The following ASPSCR1 variants were observed in gnomAD, a reference collection of about 807,000 sequenced individuals.
ASPSCR1 encodes the protein tether containing UBX domain for GLUT4.
ASPSCR1 carries 55 observed loss-of-function variants against 68.9 expected under a neutral mutation model. The observed-to-expected ratio is 0.80, with a 90% CI of 0.64 to 1.00. The LOEUF is 1.00. ASPSCR1 is among the 50% of genes least tolerant of loss of function. The probability of loss-of-function intolerance (pLI) is 0.00; values close to 1 mark genes in which losing one functional copy is unlikely to be tolerated. For synonymous variants in ASPSCR1, 352 were observed against 332.6 expected (o/e 1.06, Z -0.63); for missense variants, 765 against 762.2 (o/e 1.00, Z -0.04).
At chr17:81,985,223 C>T (rs2041955957) in intron 3 of ASPSCR1, among the ~76,000 whole-genome samples, 1 of 151,662 alleles carries the variant, frequency 6.6e-6, no homozygotes, top group African/African-American at 2.4e-5. Context: ...CACAACTGCA[C>T]ACCCCCGCAC....
chr17:81,979,668 G>A (rs1241358653), intron 2 of ASPSCR1, among the ~76,000 whole-genome samples: 1 of 152,110 alleles, frequency 6.6e-6, no homozygotes, highest in African/African-American at 2.4e-5. Flanking sequence ...TTTTTTGGGG[G>A]GGCCACCATT....
At chr17:81,989,470 C>T (rs548283879) in intron 4 of ASPSCR1, among the ~76,000 whole-genome samples, 5 of 152,260 alleles carry the variant, frequency 3.3e-5, no homozygotes, top group African/African-American at 7.2e-5. Flanking sequence ...TCCAGGTGTC[C>T]GCAGAGTGGG....
rs1261519976 is a variant in ASPSCR1, at chr17:81,986,464, G to A, written c.374+857G>A. On this transcript the variant is annotated intron_variant, in intron 4 of 15. Coordinates refer to ENST00000306739, the MANE Select transcript of ASPSCR1 (RefSeq NM_024083.4). This position sits in a 1 kb window ranked among gnomAD's most constrained non-coding sequence, Gnocchi z 5.2. ...ATAAATAAAAATAAGTAATTGATGT[G>A]TATCAGTTTCTGTCGGTTAATGGTT... Among the ~76,000 whole-genome samples the A allele has an allele frequency of 6.6e-6, 1 of 152,192 alleles. No individual in the cohort carries two copies. Among genetic ancestry groups the A allele is most frequent in the Non-Finnish European group, 1.5e-5 (1 of 68,048 alleles).
At chr17:82,014,656 CG>C (rs1371290918) in intron 12 of ASPSCR1, 1 of 195,986 alleles carries the variant, frequency 5.1e-6, no homozygotes, top group Non-Finnish European at 1.1e-5. Context: ...CTCTTGGCTT[CG>C]TTCCCCGGAG....
chr17:82,007,562 A>G (rs1183228152), intron 7 of ASPSCR1: 3 of 152,164 alleles, frequency 2.0e-5, no homozygotes, highest in African/African-American at 7.2e-5. Context: ...CCGCCTGAGC[A>G]CGGCATGTCC....
chr17:82,015,345 G>A (rs1202682816), intron 12 of ASPSCR1: 6 of 1,597,692 alleles, frequency 3.8e-6, no homozygotes, highest in Non-Finnish European at 4.2e-6. Flanking sequence ...CAAGCACGTG[G>A]GGACAGGCCG....
chr17:81,993,379 A>G (rs1052274968), intron 4 of ASPSCR1, among the ~76,000 whole-genome samples: 10 of 152,038 alleles, frequency 6.6e-5, no homozygotes, highest in Middle Eastern at 3.4e-3. Context: ...ACGCCTGGCT[A>G]ATTTTTTGTA....
intron 1 of ASPSCR1, chr17:81,978,646 G>T (rs111656919): frequency 6.4e-6 from 1 of 155,810 alleles, no homozygotes; most frequent in Non-Finnish European, 1.4e-5. Flanking sequence ...CCAGGCCTGG[G>T]CAGGTGGAGG....
At chr17:81,985,088 A>G (rs2041945863) in intron 3 of ASPSCR1, among the ~76,000 whole-genome samples, 1 of 137,856 alleles carries the variant, frequency 7.3e-6, no homozygotes, top group African/African-American at 2.8e-5. Context: ...ACACACCTAC[A>G]CATCTGCGCA....
chr17:82,012,308 C>T (rs1309384438), intron 12 of ASPSCR1, 25 bp downstream of exon 12: 11 of 1,611,252 alleles, frequency 6.8e-6, no homozygotes, highest in Non-Finnish European at 9.3e-6. Flanking sequence ...CCCTGGGGTG[C>T]TGCGGGGCGG....
rs2042913068 is a variant in ASPSCR1, at chr17:82,010,845, G to T, written c.1214G>T (p.Gly405Val). 6.2e-7 allele frequency: 1 copy of T among 1,612,776 alleles called. No individual in the cohort carries two copies. The highest frequency in any genetic ancestry group is 8.5e-7 in the Non-Finnish European group (1 of 1,179,934). ...TTCCCCGACCGCTACGTCCTACAGG[G>T]CTTCTTCCGCCCCAGCGAGACAGGT... is the stretch of plus-strand genomic sequence containing the variant. Reference protein sequence around the residue: ...VLFPDRYVLQGFFRPSETVGD... With the variant: ...VLFPDRYVLQVFFRPSETVGD... The change falls in exon 10 of 16, where the codon GGC becomes GTC. Residue 405 changes from glycine to valine, a missense_variant. Transcript: ENST00000306739.
rs1389532563 is a variant in ASPSCR1, at chr17:82,017,298, C to G, written c.1649-11C>G. The stretch of plus-strand genomic sequence containing the variant: ...GGGGTGTGTGGTCACCCTGATGTGT[C>G]TGCACTACAGCCAGCAAGAGGTGAG... On this transcript the variant is annotated splice_polypyrimidine_tract_variant and intron_variant, in intron 15 of 15. Coordinates refer to ENST00000306739, the MANE Select transcript of ASPSCR1 (RefSeq NM_024083.4). The G allele has an allele frequency of 6.2e-7, 1 of 1,611,430 alleles. No individual in the cohort carries two copies. The highest frequency in any genetic ancestry group is 8.5e-7 in the Non-Finnish European group (1 of 1,179,930).
intron 2 of ASPSCR1, chr17:81,982,744 CTCTTTCTT>C (rs371864329): frequency 4.0e-5 from 6 of 151,554 alleles, no homozygotes; most frequent in African/African-American, 1.2e-4. Flanking sequence ...TTCTTGTTTT[CTCTTTCTT>C]TCTTTCTTTC....
chr17:81,981,663 G>A (rs1207220664), intron 2 of ASPSCR1, among the ~76,000 whole-genome samples: 1 of 152,136 alleles, frequency 6.6e-6, no homozygotes, highest in Non-Finnish European at 1.5e-5. Context: ...ACAGGCATGA[G>A]TCACTGTGCC....
chr17:82,014,800 G>A, intron 12 of ASPSCR1: 3 of 537,794 alleles, frequency 5.6e-6, no homozygotes, highest in Non-Finnish European at 1.0e-5. Flanking sequence ...CACTGAGTGG[G>A]GCAAGGGGTT....
chr17:82,015,688 G>T lies in ASPSCR1; in HGVS notation c.1354-788G>T, dbSNP rs568112684. On this transcript the variant is annotated intron_variant, in intron 12 of 15. Transcript: ENST00000306739. ...CTGTGAGCAGCCGCAGCCTGGGTGTGAATCTTGGAGGCCCGGTGGTGGCGG... is the reference window on the plus strand; with the variant it reads ...CTGTGAGCAGCCGCAGCCTGGGTGTTAATCTTGGAGGCCCGGTGGTGGCGG... The T allele has an allele frequency of 1.9e-4, 66 of 354,068 alleles. No individual in the cohort carries two copies. The South Asian group carries it at 2.5e-3, about 13-fold the overall frequency. The allele number at this position is 354,068 out of a possible 1,614,324, so 21.9% of individuals were successfully genotyped here. A position where few individuals can be genotyped will look rare whatever the true frequency, so the allele number is the denominator to read the frequency against.
chr17:82,016,997 C>T lies in ASPSCR1; in HGVS notation c.1532C>T (p.Pro511Leu), dbSNP rs1431900868. The change falls in exon 15 of 16, where the codon CCT (proline) becomes CTT (leucine). Residue 511 changes from proline to leucine, a missense_variant. By Grantham distance (98) the Pro-to-Leu change is moderately conservative. Coordinates refer to ENST00000306739, the MANE Select transcript of ASPSCR1 (RefSeq NM_024083.4). Reference protein sequence around the residue: ...PSPLPAPDPAPKSEPAAEEGA... With the variant: ...PSPLPAPDPALKSEPAAEEGA... ...CCATTGCCAGCCCCTGACCCTGCAC[C>T]TAAGTCTGAGCCAGCTGCTGAGGAG... 1.9e-6 allele frequency: 3 copies of T among 1,612,510 alleles called. No individual in the cohort carries two copies. The highest frequency in any genetic ancestry group is 2.5e-6 in the Non-Finnish European group (3 of 1,179,900).
At chr17:82,003,212 G>A (rs1449649621) in intron 7 of ASPSCR1, among the ~76,000 whole-genome samples, 2 of 152,202 alleles carry the variant, frequency 1.3e-5, no homozygotes, top group Non-Finnish European at 1.5e-5. Flanking sequence ...TCGGGAGACC[G>A]AGCTGGGAGG....
rs781327687 is a variant in ASPSCR1, at chr17:82,009,559, T to C, written c.1162T>C (p.Tyr388His). ...GCAGATAAAGGAGAAGCTGGAGCGC[T>C]ACCCAAAGGTCTGCAGACAGGATGT... ...EAQIKEKLER[Y>H]PKVALRVLFP... Residue 388 changes from tyrosine to histidine, a missense_variant, in exon 9 of 16, where the codon TAC becomes CAC. Transcript: ENST00000306739. The C allele has an allele frequency of 5.6e-6, 7 of 1,245,006 alleles. No homozygotes were observed. Among genetic ancestry groups the C allele is most frequent in the Non-Finnish European group, 7.2e-6 (7 of 975,446 alleles). 77.1% of individuals were successfully genotyped at this position (1,245,006 alleles called of 1,614,324 possible).
Sources: allele counts gnomAD v4.1 joint callset (sites outside exome capture counted in the v4.1 genomes callset), GRCh38; gene constraint gnomAD v4.1.1; non-coding constraint Gnocchi (gnomAD v3.1); transcripts MANE v1.5; gene names NCBI Gene and HGNC (gene_info 2026-07-23, HGNC 2026-07-21).